TNKS2: variants seen among roughly 807,000 people sequenced by gnomAD.
The protein encoded by TNKS2 is poly [ADP-ribose] polymerase tankyrase-2.
TNKS2 carries 72 observed loss-of-function variants against 137.6 expected under a neutral mutation model. The observed-to-expected ratio is 0.52, with a 90% CI of 0.43 to 0.64. The LOEUF (loss-of-function observed/expected upper bound fraction) is 0.64. Among genes scored for constraint, TNKS2 ranks in the 30% least tolerant of loss-of-function variants. TNKS2 has a pLI of 0.00. For missense variants in TNKS2, 1,049 were observed against 1,410.2 expected, an observed-to-expected ratio of 0.74 and a Z score of 4.10; for synonymous variants, 516 against 512.1, an observed-to-expected ratio of 1.01 and a Z score of -0.10.
chr10:91,836,948 G>A lies in TNKS2; in HGVS notation c.1477G>A (p.Asp493Asn), dbSNP rs1336839935. The change falls in exon 13 of 27, where the codon GAC becomes AAC. Residue 493 changes from aspartate to asparagine, a missense_variant. Transcript: ENST00000371627. Reference protein sequence around the residue: ...EGISLGNSEADRQLLEAAKAG... With the variant: ...EGISLGNSEANRQLLEAAKAG... ...TATCTCATTAGGTAATTCAGAGGCA[G>A]ACAGACAATTGCTGGAAGCTGCAAA... The A allele has an allele frequency of 1.2e-6, 2 of 1,613,348 alleles. No individual in the cohort carries two copies. The highest frequency in any genetic ancestry group is 2.2e-5 in the East Asian group (1 of 44,816).
intron 3 of TNKS2, among the ~76,000 whole-genome samples, chr10:91,818,307 T>C (rs1844775738): frequency 6.6e-6 from 1 of 152,202 alleles, no homozygotes; most frequent in South Asian, 2.1e-4. Context: ...GTAAAGCCTT[T>C]AATAAAGAAA....
chr10:91,849,018 G>T (rs1273650346), intron 19 of TNKS2, among the ~76,000 whole-genome samples: 2 of 152,152 alleles, frequency 1.3e-5, no homozygotes, highest in East Asian at 1.9e-4. Flanking sequence ...TGTAGTTTTA[G>T]TAGAGATGGG....
chr10:91,854,680 G>T (rs1330191199), intron 21 of TNKS2, among the ~76,000 whole-genome samples: 3 of 152,028 alleles, frequency 2.0e-5, no homozygotes, highest in Non-Finnish European at 4.4e-5. Context: ...AAGGCAGGTG[G>T]ATCACCTGAG....
intron 9 of TNKS2, among the ~76,000 whole-genome samples, 183 bp from the exon 10 acceptor site, chr10:91,830,740 A>G (rs1459661476): frequency 1.3e-5 from 2 of 152,198 alleles, no homozygotes; most frequent in African/African-American, 4.8e-5. Context: ...GATAGGTAGG[A>G]TTTTCAGGTT....
chr10:91,850,446 C>T (rs959307027), intron 20 of TNKS2, among the ~76,000 whole-genome samples: 5 of 150,706 alleles, frequency 3.3e-5, no homozygotes, highest in African/African-American at 4.9e-5. Context: ...GAGCCAGGCA[C>T]GGTGGCTCAT....
chr10:91,807,304 A>C, intron 1 of TNKS2: 5 of 1,613,944 alleles, frequency 3.1e-6, no homozygotes, highest in Non-Finnish European at 4.2e-6. Context: ...AAACAAACTA[A>C]ATCATCTGTT....
chr10:91,841,051 C>T (rs758965482), intron 14 of TNKS2, among the ~76,000 whole-genome samples: 8 of 151,986 alleles, frequency 5.3e-5, no homozygotes, highest in African/African-American at 1.7e-4. Context: ...CAATTCTAGA[C>T]GTTGCATATA....
chr10:91,798,815 G>A lies in TNKS2; in HGVS notation c.125G>A (p.Arg42Lys). 1.5e-6 allele frequency: 2 copies of A among 1,340,558 alleles called. No individual in the cohort carries two copies. The highest frequency in any genetic ancestry group is 1.9e-6 in the Non-Finnish European group (2 of 1,035,918). The allele number at this position is 1,340,558 out of a possible 1,614,324, so 83.0% of individuals were successfully genotyped here. Residue 42 changes from arginine to lysine, a missense_variant, in exon 1 of 27, where the codon AGG (arginine) becomes AAG (lysine). Arg to Lys is a conservative substitution (Grantham distance 26). Coordinates refer to ENST00000371627, the MANE Select transcript of TNKS2 (RefSeq NM_025235.4). ...AACGGGGACGTGGAACGAGTCAAGAGGCTGGTGACGCCTGAGAAGGTGAAC... is the reference window on the plus strand; with the variant it reads ...AACGGGGACGTGGAACGAGTCAAGAAGCTGGTGACGCCTGAGAAGGTGAAC... ...CRNGDVERVK[R>K]LVTPEKVNSR...
intron 13 of TNKS2, among the ~76,000 whole-genome samples, chr10:91,838,499 G>A (rs1047505782): frequency 6.6e-6 from 1 of 152,110 alleles, no homozygotes; most frequent in African/African-American, 2.4e-5. Context: ...TACTTTATTC[G>A]ACACATGCTA....
intron 2 of TNKS2, 48 bp downstream of exon 2, chr10:91,813,255 G>A: frequency 1.4e-6 from 2 of 1,471,164 alleles, no homozygotes; most frequent in Non-Finnish European, 1.9e-6. Context: ...TAACTATTCT[G>A]AATCTGAACT....
intron 7 of TNKS2, among the ~76,000 whole-genome samples, chr10:91,825,869 C>T (rs573870220): frequency 6.6e-6 from 1 of 152,334 alleles, no homozygotes; most frequent in South Asian, 2.1e-4. Context: ...TCAAATGTTG[C>T]TGGTGGCTGG....
chr10:91,832,789 A>T (rs1257979466), intron 11 of TNKS2, among the ~76,000 whole-genome samples: 1 of 152,092 alleles, frequency 6.6e-6, no homozygotes, highest in Non-Finnish European at 1.5e-5. Flanking sequence ...ACGTTGGTGG[A>T]GTCTTACAGG....
intron 8 of TNKS2, among the ~76,000 whole-genome samples, chr10:91,827,866 A>C (rs932034449): frequency 6.6e-6 from 1 of 152,130 alleles, no homozygotes; most frequent in Admixed American, 6.5e-5. Flanking sequence ...CAGTTCCCTG[A>C]TGGTTTGAGC....
intron 12 of TNKS2, among the ~76,000 whole-genome samples, chr10:91,834,472 G>A (rs1463478566): frequency 6.6e-6 from 1 of 152,140 alleles, no homozygotes; most frequent in African/African-American, 2.4e-5. Context: ...TACACACTTG[G>A]CATAGATGAA....
chr10:91,855,781 C>A, intron 23 of TNKS2, 93 bp downstream of exon 23: 1 of 850,496 alleles, frequency 1.2e-6, no homozygotes, highest in Non-Finnish European at 1.8e-6. Flanking sequence ...TCTGTCTAGC[C>A]TGGTAAGTCC....
chr10:91,809,450 A>G (rs1167111011), intron 1 of TNKS2, among the ~76,000 whole-genome samples: 1 of 151,956 alleles, frequency 6.6e-6, no homozygotes, highest in Non-Finnish European at 1.5e-5. Flanking sequence ...GCGGATCACA[A>G]GGTCAGGAGA....
intron 11 of TNKS2, 104 bp downstream of exon 11, chr10:91,831,285 C>CT: frequency 1.2e-5 from 12 of 1,011,796 alleles, no homozygotes; most frequent in Non-Finnish European, 1.6e-5. Context: ...ATAAGTATTA[C>CT]TTTTTTTTCC....
At chr10:91,823,709 A>T (rs1452474063) in intron 7 of TNKS2, among the ~76,000 whole-genome samples, 1 of 151,854 alleles carries the variant, frequency 6.6e-6, no homozygotes, top group Middle Eastern at 3.2e-3. Flanking sequence ...GATGTTACCT[A>T]TACCTTTTAA....
chr10:91,862,294 G>C, intron 26 of TNKS2, 139 bp downstream of exon 26: 1 of 642,546 alleles, frequency 1.6e-6, no homozygotes, highest in South Asian at 3.9e-5. Context: ...TTCAGATTTG[G>C]AAAGTTACAA....
Sources: allele counts gnomAD v4.1 joint callset (sites outside exome capture counted in the v4.1 genomes callset), GRCh38; gene constraint gnomAD v4.1.1; transcripts MANE v1.5; gene names NCBI Gene and HGNC (gene_info 2026-07-23, HGNC 2026-07-21).